DHX57: variants seen among roughly 807,000 people sequenced by gnomAD.
The protein encoded by DHX57 is DExH-box helicase 57, also known as putative ATP-dependent RNA helicase DHX57.
DHX57 carries 105 observed loss-of-function variants against 156.2 expected under a neutral mutation model. The observed-to-expected ratio is 0.67, with a 90% confidence interval of 0.57 to 0.79. The LOEUF is 0.79. Among genes scored for constraint, DHX57 ranks in the 30% least tolerant of loss-of-function variants. The probability of loss-of-function intolerance (pLI) is 0.00; values close to 1 mark genes in which losing one functional copy is unlikely to be tolerated. For missense variants in DHX57, 1,847 were observed against 1,661.9 expected, an observed-to-expected ratio of 1.11 and a Z score of -1.94; for synonymous variants, 704 against 595.6, an observed-to-expected ratio of 1.18 and a Z score of -2.65.
chr2:38,828,416 G>A lies in DHX57; in HGVS notation c.2563C>T (p.Pro855Ser), dbSNP rs1472173225. ...AGCATTTTGATTTCTGCTAGTCCTG[G>A]TAAAAATACAAGTATAGCACCTGGG... The part of the protein sequence containing the change: ...YPPGAILVFL[P>S]GLAEIKMLYE... The change falls in exon 14 of 24, where the codon CCA becomes TCA. Residue 855 changes from proline to serine, a missense_variant. Transcript: ENST00000457308. 1.2e-6 allele frequency: 2 copies of A among 1,612,574 alleles called. No homozygotes were observed. The highest frequency in any genetic ancestry group is 1.7e-6 in the Non-Finnish European group (2 of 1,179,298).
chr2:38,868,153 T>C (rs1165892297), intron 2 of DHX57, 29 bp downstream of exon 2: 3 of 1,608,814 alleles, frequency 1.9e-6, no homozygotes, highest in South Asian at 2.2e-5. Flanking sequence ...ACCATTTCCA[T>C]ATTTAAACAT....
intron 23 of DHX57, among the ~76,000 whole-genome samples, chr2:38,799,997 G>A (rs1340907959): frequency 6.6e-6 from 1 of 151,976 alleles, no homozygotes; most frequent in Non-Finnish European, 1.5e-5. Context: ...AGACCAGGCT[G>A]ACCAACATGG....
intron 20 of DHX57, among the ~76,000 whole-genome samples, chr2:38,815,152 T>G (rs991273369): frequency 9.9e-5 from 15 of 152,056 alleles, no homozygotes; most frequent in African/African-American, 3.6e-4. Flanking sequence ...CTGCAACCTC[T>G]GCTTCCTGGG....
At chr2:38,858,116 C>T (rs1672996621) in intron 6 of DHX57, among the ~76,000 whole-genome samples, 2 of 152,196 alleles carry the variant, frequency 1.3e-5, no homozygotes, top group African/African-American at 2.4e-5. Context: ...GGCTGGAGTA[C>T]AGTGGTGCAA....
At position 38,874,471 on chromosome 2, in the gene DHX57, G is replaced by A. The variant is rs1406886271; in HGVS notation, c.-7+1316C>T. Reference sequence around the variant, plus strand: ...GTCGCCCAGGCTGGAGTGCACTGGCGCAGTCTCAGCTCACTGCAACCTCCA... The same window carrying A: ...GTCGCCCAGGCTGGAGTGCACTGGCACAGTCTCAGCTCACTGCAACCTCCA... On this transcript the variant is annotated intron_variant, in intron 1 of 23. Coordinates refer to ENST00000457308, the MANE Select transcript of DHX57 (RefSeq NM_198963.3). Among the ~76,000 whole-genome samples, 7 of 132,436 alleles carry A rather than the reference G, an allele frequency of 5.3e-5. No homozygotes were observed. The South Asian group carries it at 9.3e-4, about 18-fold the overall frequency. 86.9% of individuals were successfully genotyped at this position (132,436 alleles called of 152,430 possible).
rs911718976 is a variant in DHX57, at chr2:38,847,644, A to C, written c.2165-571T>G. Among the ~76,000 whole-genome samples, 12 of 152,346 alleles carry C rather than the reference A, an allele frequency of 7.9e-5. No homozygotes were observed. In the East Asian group the frequency reaches 9.6e-4, roughly 12 times the overall value. ...GGACCAACACCCAGAAATTTAGCAGAATCCAGAAATGAACAAATATACTGT... is the reference window on the plus strand; with the variant it reads ...GGACCAACACCCAGAAATTTAGCAGCATCCAGAAATGAACAAATATACTGT... On this transcript the variant is annotated intron_variant, in intron 10 of 23. Transcript: ENST00000457308.
intron 23 of DHX57, among the ~76,000 whole-genome samples, chr2:38,802,432 C>G (rs1669726590): frequency 1.3e-5 from 2 of 152,054 alleles, no homozygotes; most frequent in South Asian, 4.1e-4. Flanking sequence ...GGATTACAGG[C>G]ACCCACCAAC....
At chr2:38,871,861 C>A (rs75369159) in intron 1 of DHX57, among the ~76,000 whole-genome samples, 4 of 151,946 alleles carry the variant, frequency 2.6e-5, no homozygotes, top group Non-Finnish European at 5.9e-5. Flanking sequence ...TGACCGCCGC[C>A]GGCTAAGTTT....
Position 38,828,360 on chromosome 2 carries a change from GA to G in DHX57, c.2618del (p.Phe873SerfsTer28). ...CTTACCGATTACTACGTCTGTTGTTGAAAAGAGAATTAGACTGTAGCTGTTC... is the reference window on the plus strand; with the variant it reads ...CTTACCGATTACTACGTCTGTTGTTGAAAGAGAATTAGACTGTAGCTGTTC... ...LYEQLQSNSLFNNRRSNRCVI... is the reference protein window; with the variant it reads ...LYEQLQSNSLXNNRRSNRCVI... On this transcript the variant is annotated frameshift_variant, in exon 14 of 24. Transcript: ENST00000457308. LOFTEE classifies it high-confidence loss of function. 1 of 1,612,226 alleles carries G rather than the reference GA, an allele frequency of 6.2e-7. No homozygotes were observed. Among genetic ancestry groups the G allele is most frequent in the Non-Finnish European group, 8.5e-7 (1 of 1,179,388 alleles).
chr2:38,807,022 G>A (rs1426978134), intron 21 of DHX57, among the ~76,000 whole-genome samples: 2 of 151,422 alleles, frequency 1.3e-5, no homozygotes, highest in Non-Finnish European at 2.9e-5. Flanking sequence ...CTGGACCAGA[G>A]ATCTGAGTAT....
chr2:38,852,712 T>G (rs1672668966), intron 9 of DHX57, among the ~76,000 whole-genome samples: 1 of 151,856 alleles, frequency 6.6e-6, no homozygotes, highest in African/African-American at 2.4e-5. Context: ...ACTCCTGAAC[T>G]TAAGCAATCC....
intron 7 of DHX57, 37 bp from the exon 8 acceptor site, chr2:38,855,289 T>C: frequency 6.3e-7 from 1 of 1,596,822 alleles, no homozygotes. Context: ...AAATGAAGTT[T>C]TCAAGGGCTA....
In DHX57 at chr2:38,818,910, G is replaced by A. The variant is rs773127659; in HGVS notation, c.3438C>T (p.Cys1146=). The A allele has an allele frequency of 6.8e-6, 11 of 1,614,210 alleles. No individual in the cohort carries two copies. The South Asian group carries it at 1.1e-4, about 16-fold the overall frequency. ...KEGVRASYNY[C]RQNFLSGRVL... is the part of the protein sequence containing the mutation. Reference sequence around the variant, plus strand: ...CTCTTCCAGACAAGAAGTTTTGTCTGCAGTAATTATAACTTGCACGCACGC... The same window carrying A: ...CTCTTCCAGACAAGAAGTTTTGTCTACAGTAATTATAACTTGCACGCACGC... Residue 1146 remains cysteine (C), a synonymous_variant, in exon 19 of 24, where the codon TGC becomes TGT. Coordinates refer to ENST00000457308, the MANE Select transcript of DHX57 (RefSeq NM_198963.3).
intron 22 of DHX57, 164 bp from the exon 23 acceptor site, chr2:38,803,079 G>A: frequency 3.1e-6 from 2 of 647,256 alleles, no homozygotes; most frequent in Non-Finnish European, 5.3e-6. Flanking sequence ...CTATTGACTT[G>A]CCATCTCCTC....
chr2:38,825,664 G>A (rs75545406), intron 16 of DHX57, among the ~76,000 whole-genome samples, 183 bp downstream of exon 16: 2,222 of 152,222 alleles, frequency 0.015, 63 homozygotes, highest in African/African-American at 0.051. Context: ...AGATCTTTAT[G>A]TGCAGAAATT....
chr2:38,860,280 T>A (rs926397506), intron 5 of DHX57, among the ~76,000 whole-genome samples: 1 of 152,218 alleles, frequency 6.6e-6, no homozygotes, highest in Admixed American at 6.5e-5. Flanking sequence ...TGAAACCCTG[T>A]CTTACTAAAA....
At chr2:38,811,631 A>G in intron 21 of DHX57, 1 of 1,350,666 alleles carries the variant, frequency 7.4e-7, no homozygotes, top group Non-Finnish European at 1.0e-6. Context: ...TGTAGGCCAG[A>G]ACCATGGAGC....
In DHX57 at chr2:38,861,054, G is replaced by T; in HGVS notation, c.1356C>A (p.Ala452=). Residue 452 remains alanine, a synonymous_variant, in exon 5 of 24, where the codon GCC becomes GCA. Transcript: ENST00000457308. ...TATTTGGAATCACTGTTTTATGACAGGCAGGATTATTTATTCTGGTCCTAG... is the reference window on the plus strand; with the variant it reads ...TATTTGGAATCACTGTTTTATGACATGCAGGATTATTTATTCTGGTCCTAG... ...VPSRTRINNP[A]CHKTVIPNNS... 6.2e-7 allele frequency: 1 copy of T among 1,614,124 alleles called. No individual in the cohort carries two copies. Among genetic ancestry groups the T allele is most frequent in the Non-Finnish European group, 8.5e-7 (1 of 1,180,000 alleles).
chr2:38,855,411 G>A (rs905130770), intron 7 of DHX57, 159 bp from the exon 8 acceptor site: 2 of 755,454 alleles, frequency 2.6e-6, no homozygotes, highest in Non-Finnish European at 4.4e-6. Flanking sequence ...ATTACCAAGA[G>A]GTGGGAAATT....
Sources: gnomAD v4.1 joint callset for allele counts (sites outside exome capture counted in the v4.1 genomes callset) on GRCh38, gnomAD v4.1.1 for gene constraint, MANE v1.5 for transcripts, NCBI Gene and HGNC (gene_info 2026-07-23, HGNC 2026-07-21) for gene names.